EBF1: variants seen among roughly 807,000 people sequenced by gnomAD.
The protein encoded by EBF1 is EBF transcription factor 1, also known as transcription factor COE1.
EBF1 carries 10 observed loss-of-function variants against 68.4 expected under a neutral mutation model. That is an observed-to-expected ratio of 0.15 (90% CI 0.09 to 0.25). The LOEUF (loss-of-function observed/expected upper bound fraction) is 0.25, where lower values mean the gene tolerates loss of function less well. Ranked by LOEUF, EBF1 falls within the 10% of genes least tolerant of loss-of-function variation. The pLI, the probability that EBF1 is intolerant of heterozygous loss-of-function variation, is 1.00. For synonymous variants in EBF1, 298 were observed against 299.8 expected (o/e 0.99, Z 0.06); for missense variants, 509 against 794.4 (o/e 0.64, Z 4.32).
At chr5:158,890,670 C>G (rs182302729) in intron 6 of EBF1, among the ~76,000 whole-genome samples, 78 of 152,280 alleles carry the variant, frequency 5.1e-4, no homozygotes, top group Non-Finnish European at 7.6e-4. Context: ...TGTTTTTGGT[C>G]CTTCCCCGAA....
chr5:158,730,732 A>C (rs573283061), intron 11 of EBF1, among the ~76,000 whole-genome samples: 5 of 152,314 alleles, frequency 3.3e-5, no homozygotes, highest in African/African-American at 9.6e-5. Context: ...CATAGGTTCA[A>C]ATCTTGGTTT....
At position 158,777,449 on chromosome 5, in the gene EBF1, A is replaced by T. The variant is rs1267897306; in HGVS notation, c.1000T>A (p.Phe334Ile). The T allele has an allele frequency of 6.2e-7, 1 of 1,612,560 alleles. No individual in the cohort carries two copies. The highest frequency in any genetic ancestry group is 1.7e-5 in the Admixed American group (1 of 59,886). ...AATCTGCCTGGTGTTCCTTTGCAGA[A>T]CTGCTTAGATTTGTAGGACAGTGTG... ...EVTLSYKSKQ[F>I]CKGTPGRFIY... The change falls in exon 10 of 16, where the codon TTC becomes ATC. Residue 334 changes from phenylalanine (F) to isoleucine (I), a missense_variant. By Grantham distance (21) the Phe-to-Ile change is conservative. Around this residue, in one of 3 missense-constraint regions of EBF1, gnomAD observed 230 missense variants for 467.7 expected, o/e 0.49. Coordinates refer to ENST00000313708, the MANE Select transcript of EBF1 (RefSeq NM_024007.5).
chr5:158,928,948 C>A (rs180904015), intron 6 of EBF1, among the ~76,000 whole-genome samples: 2 of 152,088 alleles, frequency 1.3e-5, no homozygotes, highest in African/African-American at 4.8e-5. Flanking sequence ...CTCACCCTTA[C>A]TTTTTGTGTT....
At chr5:158,797,329 G>C (rs1476491936) in intron 8 of EBF1, among the ~76,000 whole-genome samples, 1 of 152,138 alleles carries the variant, frequency 6.6e-6, no homozygotes, top group East Asian at 1.9e-4. Context: ...GTAATTCTTG[G>C]ATTGTTTTTA....
chr5:159,066,877 T>A (rs573632973), intron 6 of EBF1, among the ~76,000 whole-genome samples: 1 of 152,064 alleles, frequency 6.6e-6, no homozygotes, highest in South Asian at 2.1e-4. Context: ...AGTATTGAGG[T>A]CACTTTTATA....
chr5:158,868,972 CAAGAAAGAA>C (rs1796402160), intron 6 of EBF1, among the ~76,000 whole-genome samples: 1 of 152,072 alleles, frequency 6.6e-6, no homozygotes, highest in Non-Finnish European at 1.5e-5. Flanking sequence ...AAAGCCGGAC[CAAGAAAGAA>C]AAGAAAGATG....
chr5:158,922,299 T>C (rs1393132735), intron 6 of EBF1, among the ~76,000 whole-genome samples: 1 of 152,244 alleles, frequency 6.6e-6, no homozygotes, highest in East Asian at 1.9e-4. Flanking sequence ...CTCAGTGATT[T>C]GATTTGGTTG....
At chr5:159,092,940 T>G (rs1781920362) in intron 4 of EBF1, among the ~76,000 whole-genome samples, 1 of 152,188 alleles carries the variant, frequency 6.6e-6, no homozygotes, top group African/African-American at 2.4e-5. Context: ...ATATCAAGAC[T>G]TACATCTGAT....
intron 9 of EBF1, among the ~76,000 whole-genome samples, chr5:158,795,902 C>G (rs1779536288): frequency 6.6e-6 from 1 of 152,124 alleles, no homozygotes; most frequent in African/African-American, 2.4e-5. Flanking sequence ...AAGTCAAGAA[C>G]CACCTACACC....
intron 6 of EBF1, among the ~76,000 whole-genome samples, chr5:158,906,331 A>T (rs1241475361): frequency 6.6e-6 from 1 of 150,654 alleles, no homozygotes; most frequent in African/African-American, 2.4e-5. Flanking sequence ...AAGCAAAGAG[A>T]CTCCAGGTAA....
intron 9 of EBF1, among the ~76,000 whole-genome samples, chr5:158,785,901 C>G (rs1777332938): frequency 6.6e-6 from 1 of 152,082 alleles, no homozygotes; most frequent in Non-Finnish European, 1.5e-5. Flanking sequence ...TCCGTGTCCC[C>G]CTAAGTAGAA....
At chr5:158,859,620 A>G (rs1462916061) in intron 6 of EBF1, among the ~76,000 whole-genome samples, 1 of 152,202 alleles carries the variant, frequency 6.6e-6, no homozygotes, top group Non-Finnish European at 1.5e-5. Flanking sequence ...TTGTACCTCC[A>G]AAGCTGCCCC....
At chr5:158,989,511 A>G (rs1019714399) in intron 6 of EBF1, among the ~76,000 whole-genome samples, 3 of 152,234 alleles carry the variant, frequency 2.0e-5, no homozygotes, top group Admixed American at 2.0e-4. Context: ...ACCACCATTT[A>G]AAACCAATTG....
At chr5:158,930,554 A>C (rs1057350302) in intron 6 of EBF1, among the ~76,000 whole-genome samples, 2 of 152,216 alleles carry the variant, frequency 1.3e-5, no homozygotes, top group African/African-American at 4.8e-5. Context: ...TTTGACTTGA[A>C]CAAGAATGGG....
At chr5:158,759,432 A>T (rs1770896802) in intron 10 of EBF1, among the ~76,000 whole-genome samples, 1 of 152,200 alleles carries the variant, frequency 6.6e-6, no homozygotes, top group South Asian at 2.1e-4. Context: ...AGGAAGCTTG[A>T]TCTACTGAGA....
At chr5:158,962,743 A>C (rs192288003) in intron 6 of EBF1, among the ~76,000 whole-genome samples, 7 of 152,272 alleles carry the variant, frequency 4.6e-5, no homozygotes, top group Admixed American at 4.6e-4. Context: ...CAAGGTATAA[A>C]TCTCGCCTGC....
At chr5:158,823,736 G>T (rs1386234069) in intron 7 of EBF1, among the ~76,000 whole-genome samples, 1 of 152,120 alleles carries the variant, frequency 6.6e-6, no homozygotes, top group African/African-American at 2.4e-5. Context: ...CTGTGTCAGG[G>T]TTAAGAGGAT....
At chr5:158,920,667 C>T (rs1808221041) in intron 6 of EBF1, among the ~76,000 whole-genome samples, 1 of 152,164 alleles carries the variant, frequency 6.6e-6, no homozygotes, top group Non-Finnish European at 1.5e-5. Context: ...CAGCCTGCAA[C>T]TCCTGGGCTC....
intron 6 of EBF1, among the ~76,000 whole-genome samples, chr5:158,882,643 C>T (rs1312965078): frequency 2.6e-5 from 4 of 152,092 alleles, no homozygotes; most frequent in African/African-American, 9.7e-5. Context: ...AACAATGAGT[C>T]CTTAAAATAA....
Sources: allele counts gnomAD v4.1 joint callset (sites outside exome capture counted in the v4.1 genomes callset), GRCh38; gene constraint gnomAD v4.1.1; regional missense constraint gnomAD v4.1.1; transcripts MANE v1.5; gene names NCBI Gene and HGNC (gene_info 2026-07-23, HGNC 2026-07-21).